STK39: variants seen among roughly 807,000 people sequenced by gnomAD.
The protein encoded by STK39 is STE20/SPS1-related proline-alanine-rich protein kinase.
STK39 carries 20 observed loss-of-function variants against 77.8 expected under a neutral mutation model. The observed-to-expected ratio is 0.26, with a 90% CI of 0.18 to 0.37. STK39 has a LOEUF of 0.37. Ranked by LOEUF, STK39 falls within the 10% of genes least tolerant of loss-of-function variation. The pLI, the probability that STK39 is intolerant of heterozygous loss-of-function variation, is 1.00. For missense variants in STK39, 479 were observed against 656.5 expected (o/e 0.73, Z 2.95); for synonymous variants, 246 against 234.1 (o/e 1.05, Z -0.47).
intron 14 of STK39, among the ~76,000 whole-genome samples, chr2:168,040,380 T>C (rs1052442411): frequency 1.3e-5 from 2 of 152,208 alleles, no homozygotes; most frequent in African/African-American, 2.4e-5. Context: ...AAAAGCGTCA[T>C]AGCAGATAAA....
At chr2:168,092,331 T>A (rs985794713) in intron 10 of STK39, among the ~76,000 whole-genome samples, 1 of 152,216 alleles carries the variant, frequency 6.6e-6, no homozygotes, top group African/African-American at 2.4e-5. Flanking sequence ...GGGCAATGTC[T>A]CAACTGTGAT....
Position 168,004,594 on chromosome 2 carries a change from A to G in STK39, c.1498+8040T>C, listed in dbSNP as rs866281558. 5.9e-5 allele frequency among the ~76,000 whole-genome samples: 9 copies of G among 151,846 alleles called. 2 individuals are homozygous for G. The Middle Eastern group carries it at 0.014, about 230-fold the overall frequency. Reference sequence around the variant, plus strand: ...AAAAATACAAAAAAATTAGCCTGACATGGTGGTGGGTGCCTGTAGTCCCAG... The same window carrying G: ...AAAAATACAAAAAAATTAGCCTGACGTGGTGGTGGGTGCCTGTAGTCCCAG... On this transcript the variant is annotated intron_variant, in intron 16 of 17. Coordinates refer to ENST00000355999, the MANE Select transcript of STK39 (RefSeq NM_013233.3).
At chr2:168,217,435 C>A (rs1231657650) in intron 1 of STK39, among the ~76,000 whole-genome samples, 1 of 152,108 alleles carries the variant, frequency 6.6e-6, no homozygotes, top group Non-Finnish European at 1.5e-5. Context: ...AAATATAGAT[C>A]TGGAAAAATC....
intron 5 of STK39, among the ~76,000 whole-genome samples, chr2:168,146,899 A>C (rs976598418): frequency 2.0e-5 from 3 of 152,208 alleles, no homozygotes; most frequent in Non-Finnish European, 4.4e-5. Context: ...TAGATATTGG[A>C]ATTAAGAAAA....
intron 14 of STK39, among the ~76,000 whole-genome samples, chr2:168,036,235 C>A (rs74634701): frequency 1.3e-5 from 2 of 150,812 alleles, no homozygotes; most frequent in African/African-American, 4.9e-5. Flanking sequence ...AAAAAAAAAA[C>A]TTGCTGGCCA....
intron 16 of STK39, among the ~76,000 whole-genome samples, chr2:167,977,148 C>T (rs13397321): frequency 0.15 from 23,445 of 152,122 alleles, 2,018 homozygotes; most frequent in Middle Eastern, 0.21. Context: ...ATGTCTGATT[C>T]GGTTTGGCGT....
At chr2:168,205,015 C>T (rs996071898) in intron 1 of STK39, among the ~76,000 whole-genome samples, 9 of 152,056 alleles carry the variant, frequency 5.9e-5, no homozygotes, top group South Asian at 2.1e-4. Context: ...TTGAAATGTA[C>T]GGAAAAACAA....
At chr2:167,998,293 A>C (rs115104742) in intron 16 of STK39, among the ~76,000 whole-genome samples, 5,451 of 152,314 alleles carry the variant, frequency 0.036, 345 homozygotes, top group African/African-American at 0.12. Flanking sequence ...GAAACCACTT[A>C]AATGCTCACT....
chr2:167,959,440 T>TG lies in STK39; in HGVS notation c.1564-3871_1564-3870insC, dbSNP rs112280373. Among the ~76,000 whole-genome samples the TG allele has an allele frequency of 5.7e-3, 869 of 151,698 alleles. 6 individuals are homozygous for TG. The highest frequency in any genetic ancestry group is 0.018 in the African/African-American group (732 of 41,310). On this transcript the variant is annotated intron_variant, in intron 17 of 17. Transcript: ENST00000355999. ...GCGCCCGGCCATCAGCTTTTTGTTT[T>TG]TTTTTTTTTTAAGTGTCAGTCTTAC...
At chr2:168,023,890 C>T (rs1002663859) in intron 14 of STK39, among the ~76,000 whole-genome samples, 5 of 152,116 alleles carry the variant, frequency 3.3e-5, no homozygotes, top group African/African-American at 1.2e-4. Flanking sequence ...AGCAGCTGCT[C>T]GCTCCTAAGC....
At chr2:168,140,263 G>A (rs764376847) in intron 7 of STK39, 26 bp downstream of exon 7, 14 of 1,543,130 alleles carry the variant, frequency 9.1e-6, no homozygotes, top group South Asian at 1.1e-5. Context: ...TTTCAACCCC[G>A]ATGTAGTATT....
chr2:168,097,924 T>C (rs1686714326), intron 10 of STK39, among the ~76,000 whole-genome samples: 1 of 152,224 alleles, frequency 6.6e-6, no homozygotes, highest in Non-Finnish European at 1.5e-5. Flanking sequence ...CTTTTAATTT[T>C]ACAAGAGCCA....
At chr2:168,242,560 A>ATATATAT (rs1553464984) in intron 1 of STK39, among the ~76,000 whole-genome samples, 6 of 44,852 alleles carry the variant, frequency 1.3e-4, no homozygotes, top group African/African-American at 6.6e-4. Context: ...AAAAAAAAAA[A>ATATATAT]ATATATATAT....
chr2:168,238,524 A>G (rs1053406352), intron 1 of STK39, among the ~76,000 whole-genome samples: 10 of 152,248 alleles, frequency 6.6e-5, no homozygotes, highest in African/African-American at 2.4e-4. Context: ...GTTTTCCCAT[A>G]TATCAAAATA....
chr2:168,230,167 G>GCA (rs1188696061), intron 1 of STK39, among the ~76,000 whole-genome samples: 1 of 152,144 alleles, frequency 6.6e-6, no homozygotes, highest in African/African-American at 2.4e-5. Flanking sequence ...TTCCATCCTT[G>GCA]TATATATATC....
At chr2:168,026,171 G>A (rs954574688) in intron 14 of STK39, among the ~76,000 whole-genome samples, 10 of 152,308 alleles carry the variant, frequency 6.6e-5, no homozygotes, top group Non-Finnish European at 1.3e-4. Flanking sequence ...TGCAGAAAAT[G>A]ATGGTCAGTT....
intron 7 of STK39, among the ~76,000 whole-genome samples, chr2:168,139,836 T>TG (rs1687934559): frequency 1.3e-5 from 2 of 152,108 alleles, no homozygotes; most frequent in Non-Finnish European, 2.9e-5. Context: ...ATCAGATCAG[T>TG]TGCCAACATT....
intron 16 of STK39, among the ~76,000 whole-genome samples, chr2:167,999,753 C>T (rs578176613): frequency 3.9e-5 from 6 of 152,280 alleles, no homozygotes; most frequent in East Asian, 1.9e-4. Context: ...TGAACCACTG[C>T]GCCCGGCCCG....
intron 14 of STK39, among the ~76,000 whole-genome samples, chr2:168,062,009 C>T (rs115746675): frequency 0.011 from 1,632 of 152,122 alleles, 35 homozygotes; most frequent in African/African-American, 0.037. Context: ...TCAATTAAGG[C>T]TTTTATTTAG....
Sources: gnomAD v4.1 joint callset for allele counts (sites outside exome capture counted in the v4.1 genomes callset) on GRCh38, gnomAD v4.1.1 for gene constraint, MANE v1.5 for transcripts, NCBI Gene and HGNC (gene_info 2026-07-23, HGNC 2026-07-21) for gene names.